The following SPTY2D1 variants were observed in gnomAD, a reference collection of about 807,000 sequenced individuals.
SPTY2D1 encodes the protein SPT2 chromatin protein domain containing 1.
SPTY2D1 carries 21 observed loss-of-function variants against 64.0 expected under a neutral mutation model. The observed-to-expected ratio is 0.33, with a 90% confidence interval of 0.23 to 0.47. The LOEUF (loss-of-function observed/expected upper bound fraction) is 0.47. Ranked by LOEUF, SPTY2D1 falls within the 20% of genes least tolerant of loss-of-function variation. The pLI is 1.00. For missense variants in SPTY2D1, 724 were observed against 837.2 expected (o/e 0.86, Z 1.67); for synonymous variants, 287 against 286.8 (o/e 1.00, Z -0.01).
chr11:18,623,034 C>T (rs1278887819), intron 1 of SPTY2D1, among the ~76,000 whole-genome samples: 2 of 152,168 alleles, frequency 1.3e-5, no homozygotes, highest in Non-Finnish European at 2.9e-5. Context: ...ACTTTACTAA[C>T]AACTCAAAGT....
intron 5 of SPTY2D1, among the ~76,000 whole-genome samples, chr11:18,611,160 T>C (rs953704246): frequency 6.6e-6 from 1 of 151,998 alleles, no homozygotes; most frequent in Admixed American, 6.6e-5. Context: ...AAAACAGTGA[T>C]GGTCCAGTGC....
chr11:18,631,163 G>GATAGTCCCCAACTCT (rs1170274680), intron 1 of SPTY2D1, among the ~76,000 whole-genome samples: 5 of 152,260 alleles, frequency 3.3e-5, no homozygotes, highest in African/African-American at 1.2e-4. Flanking sequence ...TAATTGATAC[G>GATAGTCCCCAACTCT]ATAGTCCCCA....
intron 1 of SPTY2D1, among the ~76,000 whole-genome samples, chr11:18,618,150 C>T (rs552695936): frequency 2.6e-5 from 4 of 152,030 alleles, no homozygotes; most frequent in Admixed American, 6.6e-5. Context: ...GCTTAGAACA[C>T]GGAAACACTG....
rs1239544254 is a variant in SPTY2D1, at chr11:18,616,008, G to T, written c.266C>A (p.Thr89Lys). The T allele has an allele frequency of 6.2e-7, 1 of 1,614,004 alleles. No individual in the cohort carries two copies. The highest frequency in any genetic ancestry group is 2.2e-5 in the East Asian group (1 of 44,878). The change falls in exon 3 of 6, where the codon ACA becomes AAA. Residue 89 changes from threonine (T) to lysine (K), a missense_variant. Transcript: ENST00000336349. ...DKKARAMAKR[T>K]KDNFHGYNGI... is the part of the protein sequence containing the mutation. ...ATTGTAACCATGGAAATTATCCTTTGTCCTCTTGGCCATAGCTCTTGCTTT... is the reference window on the plus strand; with the variant it reads ...ATTGTAACCATGGAAATTATCCTTTTTCCTCTTGGCCATAGCTCTTGCTTT...
chr11:18,621,371 AAAAG>A (rs1218795254), intron 1 of SPTY2D1, among the ~76,000 whole-genome samples: 1 of 146,006 alleles, frequency 6.8e-6, no homozygotes, highest in Non-Finnish European at 1.5e-5. Flanking sequence ...AAAAGAAAAG[AAAAG>A]AAACACTGAC....
In SPTY2D1 at chr11:18,615,662, C is replaced by A. The variant is rs753455194; in HGVS notation, c.612G>T (p.Glu204Asp). Reference sequence around the variant, plus strand: ...TATGCTTTCGTTCAAGGAATTCTCGCTCCCTAAGTTCTTCTGCGGTCATAG... The same window carrying A: ...TATGCTTTCGTTCAAGGAATTCTCGATCCCTAAGTTCTTCTGCGGTCATAG... Reference protein sequence around the residue: ...ERPMTAEELREREFLERKHRR... With the variant: ...ERPMTAEELRDREFLERKHRR... Residue 204 changes from glutamate (E) to aspartate (D), a missense_variant, in exon 3 of 6, where the codon GAG becomes GAT. Around this residue, in one of 3 missense-constraint regions of SPTY2D1, gnomAD observed 426 missense variants for 431.8 expected, o/e 0.99. Coordinates refer to ENST00000336349, the MANE Select transcript of SPTY2D1 (RefSeq NM_194285.3). 6 of 1,614,082 alleles carry A rather than the reference C, an allele frequency of 3.7e-6. No homozygotes were observed. The highest frequency in any genetic ancestry group is 1.1e-5 in the South Asian group (1 of 91,094).
chr11:18,617,045 A>G, intron 1 of SPTY2D1, 56 bp from the exon 2 acceptor site: 2 of 1,444,892 alleles, frequency 1.4e-6, no homozygotes, highest in Non-Finnish European at 1.9e-6. Context: ...ATACATTATT[A>G]GGTATAAGGC....
At chr11:18,610,831 T>C (rs904059780) in intron 5 of SPTY2D1, among the ~76,000 whole-genome samples, 3 of 152,120 alleles carry the variant, frequency 2.0e-5, no homozygotes, top group African/African-American at 7.2e-5. Context: ...GTTACCAAGA[T>C]TGAGATGTGT....
chr11:18,614,864 G>T lies in SPTY2D1; in HGVS notation c.1410C>A (p.Ser470Arg). Residue 470 changes from serine to arginine, a missense_variant, in exon 3 of 6, where the codon AGC becomes AGA. By Grantham distance (110) the Ser-to-Arg change is moderately radical (BLOSUM62 -1). Coordinates refer to ENST00000336349, the MANE Select transcript of SPTY2D1 (RefSeq NM_194285.3). ...CTGGTCGTCGAAGTTCATGTGGACT[G>T]CTCACAGGCCGGCCAGGGCCACGAG... is the stretch of plus-strand genomic sequence containing the variant. ...GSSRGPGRPV[S>R]SPHELRRPVS... The T allele has an allele frequency of 1.9e-6, 3 of 1,613,690 alleles. No individual in the cohort carries two copies. The highest frequency in any genetic ancestry group is 2.5e-6 in the Non-Finnish European group (3 of 1,179,786).
intron 1 of SPTY2D1, among the ~76,000 whole-genome samples, chr11:18,624,118 C>T (rs904180462): frequency 3.3e-4 from 50 of 151,818 alleles, no homozygotes; most frequent in Non-Finnish European, 2.9e-4. Flanking sequence ...TTGCAATAGA[C>T]CCTGGTATCA....
Position 18,608,757 on chromosome 11 carries a change from A to G in SPTY2D1, c.*1104T>C, listed in dbSNP as rs1294806949. 1 of 152,620 alleles carries G rather than the reference A, an allele frequency of 6.6e-6. No individual in the cohort carries two copies. The highest frequency in any genetic ancestry group is 1.5e-5 in the Non-Finnish European group (1 of 68,046). The allele number at this position is 152,620 out of a possible 1,614,324, so 9.5% of individuals were successfully genotyped here. A position where few individuals can be genotyped will look rare whatever the true frequency, so the allele number is the denominator to read the frequency against. On this transcript the variant is annotated 3_prime_UTR_variant, in exon 6 of 6. Transcript: ENST00000336349. ...TCCACAGCTCAGTAAAATAACGATA[A>G]CAGGGAACATCCCTTCCTACCTGGG...
intron 5 of SPTY2D1, among the ~76,000 whole-genome samples, chr11:18,610,676 A>C (rs950329749): frequency 6.6e-6 from 1 of 150,612 alleles, no homozygotes; most frequent in African/African-American, 2.4e-5. Flanking sequence ...TTAAAAAAAA[A>C]AAAAAAAAAA....
At chr11:18,619,617 C>T (rs905306558) in intron 1 of SPTY2D1, among the ~76,000 whole-genome samples, 10 of 151,900 alleles carry the variant, frequency 6.6e-5, no homozygotes, top group Admixed American at 5.9e-4. Context: ...ATTAGCTGGG[C>T]GTGGTGGTGC....
intron 1 of SPTY2D1, among the ~76,000 whole-genome samples, chr11:18,622,448 G>A (rs1015076895): frequency 2.6e-5 from 4 of 152,036 alleles, no homozygotes; most frequent in East Asian, 3.9e-4. Flanking sequence ...GATGGCTTCC[G>A]CCCAGGAGGT....
chr11:18,611,401 A>G (rs1160751340), intron 5 of SPTY2D1, 76 bp downstream of exon 5: 2 of 1,341,652 alleles, frequency 1.5e-6, no homozygotes, highest in African/African-American at 3.1e-5. Context: ...CCAGTTCCCA[A>G]TGGTGCAATT....
Position 18,611,526 on chromosome 11 carries a change from G to C in SPTY2D1, c.1915C>G (p.Arg639Gly). The change falls in exon 5 of 6, where the codon CGT (arginine) becomes GGT (glycine). Residue 639 changes from arginine to glycine, a missense_variant. Physicochemically the swap from Arg to Gly is moderately radical, Grantham distance 125 (BLOSUM62 -2). This residue lies in a region of SPTY2D1 where 119 missense variants were observed against 172.9 expected (regional missense o/e 0.69). Coordinates refer to ENST00000336349, the MANE Select transcript of SPTY2D1 (RefSeq NM_194285.3). Reference sequence around the variant, plus strand: ...TCTTTCCAACTACTTTCCATGTAACGTAAGGCATAATCACTTTCATCTTTG... The same window carrying C: ...TCTTTCCAACTACTTTCCATGTAACCTAAGGCATAATCACTTTCATCTTTG... ...KYKDESDYAL[R>G]YMESSWKEQQ... 6.2e-7 allele frequency: 1 copy of C among 1,613,822 alleles called. No individual in the cohort carries two copies. Among genetic ancestry groups the C allele is most frequent in the Non-Finnish European group, 8.5e-7 (1 of 1,179,946 alleles).
Position 18,612,573 on chromosome 11 carries a change from T to A in SPTY2D1, c.1712-85A>T. On this transcript the variant is annotated intron_variant, in intron 3 of 5. Transcript: ENST00000336349. This position sits in a 1 kb window ranked among gnomAD's most constrained non-coding sequence, Gnocchi z 4.6. ...GTAAACTGAAATTGTGAGTCATCATTAAGATGGTATCCTTTAAAACCAGAG... is the reference window on the plus strand; with the variant it reads ...GTAAACTGAAATTGTGAGTCATCATAAAGATGGTATCCTTTAAAACCAGAG... 8.1e-7 allele frequency: 1 copy of A among 1,232,984 alleles called. No individual in the cohort carries two copies. Among genetic ancestry groups the A allele is most frequent in the Non-Finnish European group, 1.1e-6 (1 of 915,776 alleles). 76.4% of individuals were successfully genotyped at this position (1,232,984 alleles called of 1,614,324 possible). A position where few individuals can be genotyped will look rare whatever the true frequency, so the allele number is the denominator to read the frequency against.
chr11:18,619,116 A>T (rs1052248975), intron 1 of SPTY2D1, among the ~76,000 whole-genome samples: 2 of 152,212 alleles, frequency 1.3e-5, no homozygotes, highest in African/African-American at 4.8e-5. Flanking sequence ...AACTAGATAT[A>T]TATAAAATTG....
Position 18,620,886 on chromosome 11 carries a change from CAA to C in SPTY2D1, c.61-3899_61-3898del, listed in dbSNP as rs10715602. On this transcript the variant is annotated intron_variant, in intron 1 of 5. Transcript: ENST00000336349. ...TGGGCAACAGAGCAAGACTCTATCT[CAA>C]AAAAAAAAAAAAAATACTATTAAAA... 1.4e-3 allele frequency among the ~76,000 whole-genome samples: 169 copies of C among 122,014 alleles called. 1 individual carries two copies. The highest frequency in any genetic ancestry group is 2.3e-3 in the Admixed American group (27 of 11,724). The allele number at this position is 122,014 out of a possible 152,430, so 80.0% of individuals were successfully genotyped here.
Sources: allele counts gnomAD v4.1 joint callset (sites outside exome capture counted in the v4.1 genomes callset), GRCh38; gene constraint gnomAD v4.1.1; regional missense constraint gnomAD v4.1.1; non-coding constraint Gnocchi (gnomAD v3.1); transcripts MANE v1.5; gene names NCBI Gene and HGNC (gene_info 2026-07-23, HGNC 2026-07-21).